Variants in PCDHB16 observed in about 807,000 individuals in gnomAD.
PCDHB16 encodes protocadherin beta-16.
For synonymous variants in PCDHB16, 444 were observed against 436.5 expected (o/e 1.02, Z -0.21); for missense variants, 1,026 against 989.9 (o/e 1.04, Z -0.49).
In PCDHB16 at chr5:141,184,536, C is replaced by T. The variant is rs146448102; in HGVS notation, c.1977C>T (p.His659=). The part of the protein sequence containing the change: ...EPPRSATATL[H]VLLVDGFSQP... ...CGCGCTCGGCCACCGCCACGCTGCA[C>T]GTGCTCCTGGTGGACGGCTTCTCCC... Residue 659 remains histidine (H), a synonymous_variant, in exon 1 of 1, where the codon CAC becomes CAT. Coordinates refer to ENST00000609684, the MANE Select transcript of PCDHB16 (RefSeq NM_020957.4). The T allele has an allele frequency of 1.7e-5, 27 of 1,610,500 alleles. No homozygotes were observed. Among genetic ancestry groups the T allele is most frequent in the Admixed American group, 5.0e-5 (3 of 59,986 alleles).
chr5:141,182,637 G>A lies in PCDHB16; in HGVS notation c.78G>A (p.Ala26=), dbSNP rs782628274. The change falls in exon 1 of 1, where the codon GCG becomes GCA. Residue 26 remains alanine, a synonymous_variant. Transcript: ENST00000609684. ...TTGTTTTGCTGAGCTTGTCTGGGGC[G>A]GGCGCCGAGTTGGGGTCCTATTCCG... is the stretch of plus-strand genomic sequence containing the variant. ...VFFVLLSLSG[A]GAELGSYSVV... The A allele has an allele frequency of 1.3e-6, 2 of 1,577,472 alleles. No individual in the cohort carries two copies. The highest frequency in any genetic ancestry group is 1.2e-5 in the South Asian group (1 of 86,262).
chr5:141,184,807 C>G lies in PCDHB16; in HGVS notation c.2248C>G (p.Gln750Glu). 1 of 1,614,198 alleles carries G rather than the reference C, an allele frequency of 6.2e-7. No homozygotes were observed. Among genetic ancestry groups the G allele is most frequent in the South Asian group, 1.1e-5 (1 of 91,080 alleles). ...CACCGGGACCCTGTCCCAGAGCTAC[C>G]AATACGAGGTGTGTCTGACAGGAGG... ...SGTGTLSQSY[Q>E]YEVCLTGGSE... The change falls in exon 1 of 1, where the codon CAA (glutamine) becomes GAA (glutamate). Residue 750 changes from glutamine (Q) to glutamate (E), a missense_variant. Coordinates refer to ENST00000609684, the MANE Select transcript of PCDHB16 (RefSeq NM_020957.4).
In PCDHB16 at chr5:141,185,260, T is replaced by G; in HGVS notation, c.*370T>G. ...CTTCTCAGTTTCCTAGAACTTCAAG[T>G]ATTAAAATAACCTGTTGCATGTATT... is the stretch of plus-strand genomic sequence containing the variant. On this transcript the variant is annotated 3_prime_UTR_variant, in exon 1 of 1. Transcript: ENST00000609684. 1.0e-6 allele frequency: 1 copy of G among 980,032 alleles called. No individual in the cohort carries two copies. Among genetic ancestry groups the G allele is most frequent in the Non-Finnish European group, 1.2e-6 (1 of 802,346 alleles). The allele number at this position is 980,032 out of a possible 1,614,324, so 60.7% of individuals were successfully genotyped here.
At position 141,183,160 on chromosome 5, in the gene PCDHB16, G is replaced by C; in HGVS notation, c.601G>C (p.Asp201His). 1 of 1,614,216 alleles carries C rather than the reference G, an allele frequency of 6.2e-7. No individual in the cohort carries two copies. Among genetic ancestry groups the C allele is most frequent in the Non-Finnish European group, 8.5e-7 (1 of 1,180,030 alleles). ...TGAGCTAGTGTTGGATAAAGAGCTG[G>C]ATCGGGAGGAGGAGCCTCAACTAAG... Reference protein sequence around the residue: ...YPELVLDKELDREEEPQLRLT... With the variant: ...YPELVLDKELHREEEPQLRLT... Residue 201 changes from aspartate (D) to histidine (H), a missense_variant, in exon 1 of 1, where the codon GAT becomes CAT. Transcript: ENST00000609684.
chr5:141,184,946 A>G lies in PCDHB16; in HGVS notation c.*56A>G, dbSNP rs1252178313. 2 of 1,574,166 alleles carry G rather than the reference A, an allele frequency of 1.3e-6. No homozygotes were observed. Among genetic ancestry groups the G allele is most frequent in the Non-Finnish European group, 1.7e-6 (2 of 1,161,914 alleles). ...ACCCTTCACAATAGCTTTGGATTTAATTATTGATAGGAACCCATTTGATAA... is the reference window on the plus strand; with the variant it reads ...ACCCTTCACAATAGCTTTGGATTTAGTTATTGATAGGAACCCATTTGATAA... On this transcript the variant is annotated 3_prime_UTR_variant, in exon 1 of 1. Transcript: ENST00000609684.
rs28632043 is a variant in PCDHB16 at position 141,184,996 on chromosome 5, T to C, written c.*106T>C. On this transcript the variant is annotated 3_prime_UTR_variant, in exon 1 of 1. Coordinates refer to ENST00000609684, the MANE Select transcript of PCDHB16 (RefSeq NM_020957.4). The stretch of plus-strand genomic sequence containing the variant: ...AATTCCTTAACTTCTTATGATTGTC[T>C]TGTTGATTAAATTGTTCATGCTCAC... 1.3e-3 allele frequency: 1,876 copies of C among 1,490,432 alleles called. 30 individuals carry two copies. The African/African-American group carries it at 0.024, about 19-fold the overall frequency. 92.3% of individuals were successfully genotyped at this position (1,490,432 alleles called of 1,614,324 possible).
chr5:141,182,936 T>C lies in PCDHB16; in HGVS notation c.377T>C (p.Ile126Thr), dbSNP rs782591148. Residue 126 changes from isoleucine to threonine, a missense_variant, in exon 1 of 1, where the codon ATA becomes ACA. Coordinates refer to ENST00000609684, the MANE Select transcript of PCDHB16 (RefSeq NM_020957.4). ...CAGGCTGAACTGAGGGTGATAGATA[T>C]AAATGACCATTCTCCCATGTTCACT... Reference protein sequence around the residue: ...IFQAELRVIDINDHSPMFTEK... With the variant: ...IFQAELRVIDTNDHSPMFTEK... The C allele has an allele frequency of 1.2e-6, 2 of 1,614,182 alleles. No individual in the cohort carries two copies. Among genetic ancestry groups the C allele is most frequent in the South Asian group, 2.2e-5 (2 of 91,086 alleles).
chr5:141,183,867 C>T lies in PCDHB16; in HGVS notation c.1308C>T (p.Asn436=). Residue 436 remains asparagine (N), a synonymous_variant, in exon 1 of 1, where the codon AAC becomes AAT. Coordinates refer to ENST00000609684, the MANE Select transcript of PCDHB16 (RefSeq NM_020957.4). ...CTCCAAGGCTGAAAACGGAGCACAA[C>T]ATAACAGTGCAGATATCAGATGTCA... ...MGTPRLKTEH[N]ITVQISDVND... 2.5e-6 allele frequency: 4 copies of T among 1,614,224 alleles called. No individual in the cohort carries two copies. The highest frequency in any genetic ancestry group is 3.4e-6 in the Non-Finnish European group (4 of 1,180,048).
In PCDHB16 at chr5:141,182,795, C is replaced by T. The variant is rs1554282026; in HGVS notation, c.236C>T (p.Ala79Val). The T allele has an allele frequency of 3.1e-6, 5 of 1,614,098 alleles. No individual in the cohort carries two copies. The highest frequency in any genetic ancestry group is 4.2e-6 in the Non-Finnish European group (5 of 1,180,018). The change falls in exon 1 of 1, where the codon GCT (alanine) becomes GTT (valine). Residue 79 changes from alanine to valine, a missense_variant. Coordinates refer to ENST00000609684, the MANE Select transcript of PCDHB16 (RefSeq NM_020957.4). ...AACAAACAGCATTTGCAGCTCAAGG[C>T]TCAAACTGGGGATTTGCTCATAAAT... ...QGNKQHLQLK[A>V]QTGDLLINEK...
chr5:141,184,594 G>A lies in PCDHB16; in HGVS notation c.2035G>A (p.Gly679Ser), dbSNP rs201005937. ...PFLPLPEAAP[G>S]QTQANSLTVY... is the part of the protein sequence containing the mutation. ...CCTGCCGCTCCCAGAGGCGGCCCCC[G>A]GCCAGACCCAGGCCAACTCGCTCAC... The change falls in exon 1 of 1, where the codon GGC becomes AGC. Residue 679 changes from glycine to serine, a missense_variant. Physicochemically the swap from Gly to Ser is moderately conservative, Grantham distance 56. Transcript: ENST00000609684. The A allele has an allele frequency of 5.6e-6, 9 of 1,612,452 alleles. No individual in the cohort carries two copies. In the East Asian group the frequency reaches 1.3e-4, roughly 24 times the overall value.
In PCDHB16 at chr5:141,182,440, T is replaced by G. The variant is rs568997514; in HGVS notation, c.-120T>G. On this transcript the variant is annotated 5_prime_UTR_variant, in exon 1 of 1. Transcript: ENST00000609684. ...AGCTGAGCCAGAGCGAACGTGAGTG[T>G]GAAACCTCTTTAAGACACCGTTGGG... 9.6e-6 allele frequency: 8 copies of G among 835,724 alleles called. No individual in the cohort carries two copies. The South Asian group carries it at 2.7e-4, about 28-fold the overall frequency. 51.8% of individuals were successfully genotyped at this position (835,724 alleles called of 1,614,324 possible). A position where few individuals can be genotyped will look rare whatever the true frequency, so the allele number is the denominator to read the frequency against.
chr5:141,184,721 C>A lies in PCDHB16; in HGVS notation c.2162C>A (p.Ser721Ter). The change falls in exon 1 of 1, where the codon TCG (serine) becomes TAG (stop). Residue 721 changes from serine to a stop codon, truncating the protein, a stop_gained. Coordinates refer to ENST00000609684, the MANE Select transcript of PCDHB16 (RefSeq NM_020957.4). LOFTEE classifies it low-confidence loss of function (END_TRUNC). ...CTGTGCAGGAGGAGCAGGGCGGCCT[C>A]GGTGGGCCGCTGCTCGATGCCTGAG... is the stretch of plus-strand genomic sequence containing the variant. ...VRLCRRSRAASVGRCSMPEGP... is the reference protein window; with the variant it reads ...VRLCRRSRAA The A allele has an allele frequency of 6.2e-7, 1 of 1,613,988 alleles. No individual in the cohort carries two copies. The highest frequency in any genetic ancestry group is 8.5e-7 in the Non-Finnish European group (1 of 1,180,024).
rs1188019155 is a variant in PCDHB16, at chr5:141,185,874, G to T, written c.*984G>T. ...TCTAAAAATAAAAAGAGAAGCCATT[G>T]TAAGACATTCAGTATGTGTAAATGT... On this transcript the variant is annotated 3_prime_UTR_variant, in exon 1 of 1. Coordinates refer to ENST00000609684, the MANE Select transcript of PCDHB16 (RefSeq NM_020957.4). 1 of 990,846 alleles carries T rather than the reference G, an allele frequency of 1.0e-6. No individual in the cohort carries two copies. Among genetic ancestry groups the T allele is most frequent in the African/African-American group, 1.8e-5 (1 of 57,092 alleles). The allele number at this position is 990,846 out of a possible 1,614,324, so 61.4% of individuals were successfully genotyped here.
chr5:141,182,596 C>A lies in PCDHB16; in HGVS notation c.37C>A (p.Gln13Lys), dbSNP rs1554281984. The A allele has an allele frequency of 6.5e-7, 1 of 1,533,024 alleles. No individual in the cohort carries two copies. Among genetic ancestry groups the A allele is most frequent in the Non-Finnish European group, 8.7e-7 (1 of 1,143,058 alleles). 95.0% of individuals were successfully genotyped at this position (1,533,024 alleles called of 1,614,324 possible). ...IGWMHNRRQR[Q>K]VLVFFVLLSL... ...ATGGATGCACAATCGGAGACAAAGG[C>A]AAGTCCTTGTTTTCTTTGTTTTGCT... Residue 13 changes from glutamine (Q) to lysine (K), a missense_variant, in exon 1 of 1, where the codon CAA becomes AAA. Physicochemically the swap from Gln to Lys is moderately conservative, Grantham distance 53. Coordinates refer to ENST00000609684, the MANE Select transcript of PCDHB16 (RefSeq NM_020957.4).
rs1554282162 is a variant in PCDHB16 at position 141,183,522 on chromosome 5, C to T, written c.963C>T (p.Ala321=). The T allele has an allele frequency of 6.2e-7, 1 of 1,614,206 alleles. No homozygotes were observed. The highest frequency in any genetic ancestry group is 1.1e-5 in the South Asian group (1 of 91,088). The change falls in exon 1 of 1, where the codon GCC becomes GCT. Residue 321 remains alanine, a synonymous_variant. Coordinates refer to ENST00000609684, the MANE Select transcript of PCDHB16 (RefSeq NM_020957.4). ...CGTCTTATGAAGTGCGCATCAAAGC[C>T]ACAGATGGGGGAGGTCTTTCAGGAA... ...MVTSYEVRIK[A]TDGGGLSGKC... is the part of the protein sequence containing the mutation.
In PCDHB16 at chr5:141,184,609, A is replaced by C. The variant is rs141352748; in HGVS notation, c.2050A>C (p.Asn684His). 2.0e-5 allele frequency: 33 copies of C among 1,612,540 alleles called. No homozygotes were observed. The highest frequency in any genetic ancestry group is 2.4e-5 in the Non-Finnish European group (28 of 1,179,812). Reference sequence around the variant, plus strand: ...GGCGGCCCCCGGCCAGACCCAGGCCAACTCGCTCACTGTCTACCTGGTGGT... The same window carrying C: ...GGCGGCCCCCGGCCAGACCCAGGCCCACTCGCTCACTGTCTACCTGGTGGT... ...PEAAPGQTQA[N>H]SLTVYLVVAL... Residue 684 changes from asparagine (N) to histidine (H), a missense_variant, in exon 1 of 1, where the codon AAC becomes CAC. Coordinates refer to ENST00000609684, the MANE Select transcript of PCDHB16 (RefSeq NM_020957.4).
rs781859112 is a variant in PCDHB16, at chr5:141,183,737, T to C, written c.1178T>C (p.Leu393Pro). The stretch of plus-strand genomic sequence containing the variant: ...ATCCAGGAAGACCTTCCCTTTCTTC[T>C]AAAACCTTCAGTCAAGAACTTTTAC... ...SSIQEDLPFLLKPSVKNFYTL... is the reference protein window; with the variant it reads ...SSIQEDLPFLPKPSVKNFYTL... Residue 393 changes from leucine to proline, a missense_variant, in exon 1 of 1, where the codon CTA (leucine) becomes CCA (proline). By Grantham distance (98) the Leu-to-Pro change is moderately conservative. Coordinates refer to ENST00000609684, the MANE Select transcript of PCDHB16 (RefSeq NM_020957.4). 3 of 1,614,182 alleles carry C rather than the reference T, an allele frequency of 1.9e-6. No homozygotes were observed. The highest frequency in any genetic ancestry group is 2.5e-6 in the Non-Finnish European group (3 of 1,180,028).
In PCDHB16 at chr5:141,185,070, T is replaced by A. The variant is rs548452365; in HGVS notation, c.*180T>A. 4.8e-5 allele frequency: 68 copies of A among 1,426,636 alleles called. No homozygotes were observed. In the African/African-American group the frequency reaches 9.6e-4, roughly 20 times the overall value. The allele number at this position is 1,426,636 out of a possible 1,614,324, so 88.4% of individuals were successfully genotyped here. ...CTGATTGTTAGTTCAAATTATATTG[T>A]TAATTCCAGTTTCCCTTTTCCTCAT... On this transcript the variant is annotated 3_prime_UTR_variant, in exon 1 of 1. Coordinates refer to ENST00000609684, the MANE Select transcript of PCDHB16 (RefSeq NM_020957.4).
Position 141,183,642 on chromosome 5 carries a change from T to A in PCDHB16, c.1083T>A (p.Pro361=), listed in dbSNP as rs116170348. ...CCAGCCCCATCCCAGAGAACTCGCC[T>A]GAGATAGTAGTTGCTGTTTTCAGCG... The part of the protein sequence containing the change: ...ALTSPIPENS[P]EIVVAVFSVS... The change falls in exon 1 of 1, where the codon CCT becomes CCA. Residue 361 remains proline (P), a synonymous_variant. Coordinates refer to ENST00000609684, the MANE Select transcript of PCDHB16 (RefSeq NM_020957.4). 3.5e-5 allele frequency: 57 copies of A among 1,607,638 alleles called. No individual in the cohort carries two copies. The highest frequency in any genetic ancestry group is 4.5e-5 in the Non-Finnish European group (53 of 1,174,146).
Sources: gnomAD v4.1 joint callset for allele counts on GRCh38, gnomAD v4.1.1 for gene constraint, MANE v1.5 for transcripts, NCBI Gene and HGNC (gene_info 2026-07-23, HGNC 2026-07-21) for gene names.